The following OCRL variants were observed in gnomAD, a reference collection of about 807,000 sequenced individuals.
The protein encoded by OCRL is OCRL inositol polyphosphate-5-phosphatase.
OCRL carries 8 observed loss-of-function variants against 78.9 expected under a neutral mutation model. The ratio of observed to expected loss-of-function variants is 0.10; its 90% CI spans 0.06 to 0.18. The LOEUF is 0.18. Ranked by LOEUF, OCRL falls within the 10% of genes least tolerant of loss-of-function variation. The probability of loss-of-function intolerance (pLI) is 1.00; values close to 1 mark genes in which losing one functional copy is unlikely to be tolerated. For synonymous variants in OCRL, 240 were observed against 235.4 expected (o/e 1.02, Z -0.18); for missense variants, 454 against 696.7 (o/e 0.65, Z 3.92).
At position 129,589,126 on chromosome X, in the gene OCRL, G is replaced by A. The variant is rs936860555; in HGVS notation, c.2469+113G>A. ...TGTCTGGTAGGATGGGTCTGCATCT[G>A]TTATTAATGGCAGGACACCAACATT... is the stretch of plus-strand genomic sequence containing the variant. On this transcript the variant is annotated intron_variant, in intron 22 of 23. Coordinates refer to ENST00000371113, the MANE Select transcript of OCRL (RefSeq NM_000276.4). 4.8e-6 allele frequency: 4 copies of A among 835,692 alleles called. No individual in the cohort carries two copies. The African/African-American group carries it at 6.0e-5, about 12-fold the overall frequency. 68.9% of individuals were successfully genotyped at this position (835,692 alleles called of 1,213,427 possible). A position where few individuals can be genotyped will look rare whatever the true frequency, so the allele number is the denominator to read the frequency against.
chrX:129,576,081 A>G lies in OCRL; in HGVS notation c.1879+19A>G, dbSNP rs776728369. On this transcript the variant is annotated intron_variant, in intron 17 of 23. Coordinates refer to ENST00000371113, the MANE Select transcript of OCRL (RefSeq NM_000276.4). ...GAGCCAAGTGAGTTTTCCCTTTACC[A>G]TTGTCTCTGCTGGTGATGTCATGAC... 4 of 1,189,339 alleles carry G rather than the reference A, an allele frequency of 3.4e-6. No individual in the cohort carries two copies. The South Asian group carries it at 5.3e-5, about 16-fold the overall frequency.
intron 19 of OCRL, among the ~76,000 whole-genome samples, chrX:129,585,584 A>G (rs942959154): frequency 2.7e-5 from 3 of 112,184 alleles, no homozygotes; most frequent in African/African-American, 9.7e-5. Flanking sequence ...CTTGGATTTG[A>G]TATTTGTAAC....
chrX:129,570,080 G>C (rs993437897), intron 15 of OCRL, among the ~76,000 whole-genome samples: 1 of 111,070 alleles, frequency 9.0e-6, no homozygotes, highest in Non-Finnish European at 1.9e-5. Context: ...TCTGTATTGT[G>C]AGTAAAGTTT....
At chrX:129,589,157 T>A in intron 22 of OCRL, 144 bp downstream of exon 22, 1 of 629,873 alleles carries the variant, frequency 1.6e-6, no homozygotes, top group Non-Finnish European at 2.6e-6. Flanking sequence ...ACATTGAGAG[T>A]TGCTACCCTT....
chrX:129,586,269 G>T (rs1936511116), intron 19 of OCRL, among the ~76,000 whole-genome samples: 1 of 111,926 alleles, frequency 8.9e-6, no homozygotes, highest in South Asian at 3.7e-4. Context: ...TAGATGAAAG[G>T]AGTAAAAGCC....
chrX:129,574,789 C>T (rs149099765), intron 15 of OCRL, among the ~76,000 whole-genome samples: 5 of 112,293 alleles, frequency 4.5e-5, no homozygotes, highest in African/African-American at 6.5e-5. Flanking sequence ...AGCTTCTTAA[C>T]GTAGGGGTTT....
Position 129,540,472 on chromosome X carries a change from G to C in OCRL, c.33G>C (p.Pro11=). The C allele has an allele frequency of 8.7e-7, 1 of 1,154,398 alleles. No homozygotes were observed. Among genetic ancestry groups the C allele is most frequent in the Non-Finnish European group, 1.1e-6 (1 of 870,751 alleles). Residue 11 remains proline (P), a synonymous_variant, in exon 1 of 24, where the codon CCG becomes CCC. Transcript: ENST00000371113. MEPPLPVGAQ[P]LATVEGMEMK... is the part of the protein sequence containing the mutation. ...CGCCGCTCCCGGTCGGAGCCCAGCC[G>C]CTTGCCGTATCCGCCGGAGAGAAGG...
At chrX:129,566,199 G>A (rs1469820369) in intron 13 of OCRL, among the ~76,000 whole-genome samples, 3 of 112,088 alleles carry the variant, frequency 2.7e-5, no homozygotes, top group Non-Finnish European at 5.6e-5. Context: ...ACACTTCCTG[G>A]AGGAAGTGGG....
rs759554491 is a variant in OCRL, at chrX:129,540,782, G to A, written c.78G>A (p.Glu26=). ...EGMEMKGPLR[E]PCALTLAQRN... is the part of the protein sequence containing the mutation. ...TGGAGATGAAGGGTCCTCTCCGGGA[G>A]CCCTGCGCCCTGACCCTAGCCCAGA... Residue 26 remains glutamate, a synonymous_variant, in exon 2 of 24, where the codon GAG becomes GAA. Coordinates refer to ENST00000371113, the MANE Select transcript of OCRL (RefSeq NM_000276.4). 45 of 1,208,266 alleles carry A rather than the reference G, an allele frequency of 3.7e-5. No homozygotes were observed. The highest frequency in any genetic ancestry group is 4.4e-5 in the Admixed American group (2 of 45,821).
intron 15 of OCRL, among the ~76,000 whole-genome samples, chrX:129,574,415 C>T (rs1422577673): frequency 8.9e-6 from 1 of 112,403 alleles, no homozygotes; most frequent in Non-Finnish European, 1.9e-5. Context: ...ATTTTTTTAT[C>T]AGTGGAGATG....
At chrX:129,554,131 G>A (rs1479364150) in intron 4 of OCRL, among the ~76,000 whole-genome samples, 1 of 104,183 alleles carries the variant, frequency 9.6e-6, no homozygotes, top group Non-Finnish European at 1.9e-5. Flanking sequence ...GAAATCAATG[G>A]GCTGGAGGTT....
intron 3 of OCRL, 39 bp downstream of exon 3, chrX:129,545,076 T>C: frequency 1.3e-6 from 1 of 749,066 alleles, no homozygotes. Context: ...TATAATGTTT[T>C]TTCTCGGTCA....
chrX:129,540,585 G>A (rs1935776258), intron 1 of OCRL, 107 bp downstream of exon 1: 1 of 922,024 alleles, frequency 1.1e-6, no homozygotes. Flanking sequence ...CCCAGAGGCC[G>A]AGCAGAGAGG....
chrX:129,548,421 G>T, intron 3 of OCRL, 142 bp from the exon 4 acceptor site: 4 of 513,423 alleles, frequency 7.8e-6, no homozygotes, highest in East Asian at 6.9e-5. Context: ...AATATTAAAC[G>T]AAAAGGGATT....
chrX:129,589,779 G>A lies in OCRL; in HGVS notation c.2470-66G>A, dbSNP rs772637467. On this transcript the variant is annotated intron_variant, in intron 22 of 23. Coordinates refer to ENST00000371113, the MANE Select transcript of OCRL (RefSeq NM_000276.4). ...ATTATAGACTACTATTACAGCAGCT[G>A]TAAGTTCCTCTTACTTTCATCTTCC... 2.1e-5 allele frequency: 16 copies of A among 755,453 alleles called. No homozygotes were observed. In the African/African-American group the frequency reaches 2.3e-4, roughly 11 times the overall value. The allele number at this position is 755,453 out of a possible 1,213,427, so 62.3% of individuals were successfully genotyped here. A position where few individuals can be genotyped will look rare whatever the true frequency, so the allele number is the denominator to read the frequency against.
chrX:129,561,203 A>C lies in OCRL; in HGVS notation c.849A>C (p.Thr283=), dbSNP rs1413804348. The C allele has an allele frequency of 8.3e-7, 1 of 1,206,863 alleles. No individual in the cohort carries two copies. Residue 283 remains threonine, a synonymous_variant, in exon 10 of 24, where the codon ACA becomes ACC. Transcript: ENST00000371113. ...GATTCCAAGAACTGGACTTGAGCAC[A>C]GAAGCCTTCTTCTACTTTGAATCTG... ...CIGFQELDLS[T]EAFFYFESVK... is the part of the protein sequence containing the mutation.
chrX:129,551,548 T>C (rs1008245709), intron 4 of OCRL, among the ~76,000 whole-genome samples: 1 of 111,650 alleles, frequency 9.0e-6, no homozygotes, highest in Non-Finnish European at 1.9e-5. Flanking sequence ...CATTCTCCTG[T>C]CTCAGCCTCC....
chrX:129,570,395 C>T (rs892490640), intron 15 of OCRL, among the ~76,000 whole-genome samples: 6 of 111,713 alleles, frequency 5.4e-5, no homozygotes, highest in Non-Finnish European at 1.1e-4. Flanking sequence ...GGTACATACT[C>T]ATGAAGATTA....
intron 15 of OCRL, among the ~76,000 whole-genome samples, chrX:129,570,704 C>T (rs1356859616): frequency 8.9e-6 from 1 of 112,530 alleles, no homozygotes; most frequent in Non-Finnish European, 1.9e-5. Context: ...GTGGCAGGGA[C>T]TATGTGAGGC....
Sources: allele counts gnomAD v4.1 joint callset (sites outside exome capture counted in the v4.1 genomes callset), GRCh38; gene constraint gnomAD v4.1.1; transcripts MANE v1.5; gene names NCBI Gene and HGNC (gene_info 2026-07-23, HGNC 2026-07-21).